KIRREL3: variants seen among roughly 807,000 people sequenced by gnomAD.
The protein encoded by KIRREL3 is kin of IRRE-like protein 3.
KIRREL3 carries 36 observed loss-of-function variants against 89.7 expected under a neutral mutation model. The ratio of observed to expected loss-of-function variants is 0.40; its 90% confidence interval spans 0.31 to 0.53. The LOEUF (loss-of-function observed/expected upper bound fraction) is 0.53, where lower values mean the gene tolerates loss of function less well. Among genes scored for constraint, KIRREL3 ranks in the 20% least tolerant of loss-of-function variants. KIRREL3 has a pLI of 0.49. For synonymous variants in KIRREL3, 445 were observed against 441.4 expected, an observed-to-expected ratio of 1.01 and a Z score of -0.10; for missense variants, 864 against 1,056.6, an observed-to-expected ratio of 0.82 and a Z score of 2.53.
Position 126,941,820 on chromosome 11 carries a change from G to T in KIRREL3, c.55+58635C>A, listed in dbSNP as rs185942663. On this transcript the variant is annotated intron_variant, in intron 1 of 16. Transcript: ENST00000525144. ...CTATCTCAGTGTAACTAACTCCTCA[G>T]TGGGCTCAAAACTTTCCCTCTTGCT... 3.3e-5 allele frequency among the ~76,000 whole-genome samples: 5 copies of T among 152,334 alleles called. No individual in the cohort carries two copies. In the East Asian group the frequency reaches 5.8e-4, roughly 18 times the overall value.
At position 126,491,003 on chromosome 11, in the gene KIRREL3, T is replaced by C. The variant is rs1957496961; in HGVS notation, c.434-17537A>G. ...GGTGGAGGAGAGCCTGTTGTCTCTT[T>C]GGAGAATGGGGCAGGGCTCTGTCTG... On this transcript the variant is annotated intron_variant, in intron 4 of 16. Transcript: ENST00000525144. This position sits in a 1 kb window ranked among gnomAD's most constrained non-coding sequence, Gnocchi z 5.5. 1.3e-5 allele frequency among the ~76,000 whole-genome samples: 2 copies of C among 152,186 alleles called. No individual in the cohort carries two copies. Among genetic ancestry groups the C allele is most frequent in the Non-Finnish European group, 2.9e-5 (2 of 68,026 alleles).
At chr11:126,451,157 G>C (rs1256457187) in intron 7 of KIRREL3, among the ~76,000 whole-genome samples, 1 of 149,974 alleles carries the variant, frequency 6.7e-6, no homozygotes, top group Non-Finnish European at 1.5e-5. Flanking sequence ...GTAAATGTGG[G>C]CACGTGTGAA....
At position 126,953,622 on chromosome 11, in the gene KIRREL3, C is replaced by CAGAGAG. The variant is rs35913153; in HGVS notation, c.55+46827_55+46832dup. ...CACACACTTGGGAGAGATAGAGAGA[C>CAGAGAG]AGAGAGAGAGAACGACCAAGTACGA... is the stretch of plus-strand genomic sequence containing the variant. On this transcript the variant is annotated intron_variant, in intron 1 of 16. Transcript: ENST00000525144. The surrounding 1 kb of genome is among the most constrained non-coding windows in gnomAD (Gnocchi z 5.2). 3.5e-3 allele frequency among the ~76,000 whole-genome samples: 522 copies of CAGAGAG among 151,100 alleles called. No individual in the cohort carries two copies. The highest frequency in any genetic ancestry group is 9.3e-3 in the African/African-American group (386 of 41,308).
At chr11:126,678,882 T>C (rs1407072916) in intron 1 of KIRREL3, among the ~76,000 whole-genome samples, 2 of 152,138 alleles carry the variant, frequency 1.3e-5, no homozygotes, top group African/African-American at 4.8e-5. Context: ...TTTGCTTGGA[T>C]GAGAATGTTT....
At position 126,607,983 on chromosome 11, in the gene KIRREL3, C is replaced by T. The variant is rs372053126; in HGVS notation, c.56-45071G>A. 4.6e-5 allele frequency among the ~76,000 whole-genome samples: 7 copies of T among 152,204 alleles called. No homozygotes were observed. The highest frequency in any genetic ancestry group is 7.3e-5 in the Non-Finnish European group (5 of 68,038). ...GCAGCAAGGGCCCGAGGAACGAGCACGTCAGCTGTCTCCAGGGCCTTTCTC... is the reference window on the plus strand; with the variant it reads ...GCAGCAAGGGCCCGAGGAACGAGCATGTCAGCTGTCTCCAGGGCCTTTCTC... On this transcript the variant is annotated intron_variant, in intron 1 of 16. Transcript: ENST00000525144. The surrounding 1 kb of genome is among the most constrained non-coding windows in gnomAD (Gnocchi z 6.6).
intron 1 of KIRREL3, among the ~76,000 whole-genome samples, chr11:126,942,246 C>A (rs1258260417): frequency 6.6e-6 from 1 of 152,174 alleles, no homozygotes; most frequent in African/African-American, 2.4e-5. Context: ...GTATTCTCAA[C>A]CATATAGTTG....
At chr11:126,728,870 AC>A (rs1948498021) in intron 1 of KIRREL3, among the ~76,000 whole-genome samples, 1 of 152,114 alleles carries the variant, frequency 6.6e-6, no homozygotes, top group Non-Finnish European at 1.5e-5. Flanking sequence ...AATTCCCTGC[AC>A]CCCACAGACG....
rs1159951809 is a variant in KIRREL3, at chr11:126,570,934, C to T, written c.56-8022G>A. 3.3e-5 allele frequency among the ~76,000 whole-genome samples: 5 copies of T among 152,202 alleles called. No homozygotes were observed. The highest frequency in any genetic ancestry group is 2.0e-4 in the Admixed American group (3 of 15,282). The stretch of plus-strand genomic sequence containing the variant: ...GCTGCAAGGGACATTTAACTTTTCT[C>T]ATCTCGTTTCACCCTCACAACACCT... On this transcript the variant is annotated intron_variant, in intron 1 of 16. Transcript: ENST00000525144. This position sits in a 1 kb window ranked among gnomAD's most constrained non-coding sequence, Gnocchi z 6.1.
intron 1 of KIRREL3, among the ~76,000 whole-genome samples, chr11:126,863,621 GTGTGTT>G: frequency 6.3e-5 from 3 of 47,746 alleles, no homozygotes; most frequent in South Asian, 1.1e-3. Flanking sequence ...GTGCGTGTGT[GTGTGTT>G]TGAGTGCGTG....
chr11:126,702,392 T>C (rs968365453), intron 1 of KIRREL3, among the ~76,000 whole-genome samples: 1 of 152,216 alleles, frequency 6.6e-6, no homozygotes, highest in African/African-American at 2.4e-5. Context: ...GTTGCAAATG[T>C]CACATCTTCA....
chr11:126,649,188 C>T (rs1182206633), intron 1 of KIRREL3, among the ~76,000 whole-genome samples: 1 of 152,196 alleles, frequency 6.6e-6, no homozygotes, highest in Non-Finnish European at 1.5e-5. Flanking sequence ...GGGTCCCTCC[C>T]ACAACACGTG....
chr11:126,507,534 C>T (rs1007339204), intron 4 of KIRREL3, among the ~76,000 whole-genome samples: 5 of 152,126 alleles, frequency 3.3e-5, no homozygotes, highest in Admixed American at 1.3e-4. Context: ...TTATGTTTTT[C>T]GTCTAACTCC....
rs970095959 is a variant in KIRREL3 at position 126,778,094 on chromosome 11, A to G, written c.56-215182T>C. Among the ~76,000 whole-genome samples the G allele has an allele frequency of 6.6e-6, 1 of 152,226 alleles. No homozygotes were observed. Among genetic ancestry groups the G allele is most frequent in the South Asian group, 2.1e-4 (1 of 4,818 alleles). On this transcript the variant is annotated intron_variant, in intron 1 of 16. Coordinates refer to ENST00000525144, the MANE Select transcript of KIRREL3 (RefSeq NM_032531.4). This position sits in a 1 kb window ranked among gnomAD's most constrained non-coding sequence, Gnocchi z 4.5. The stretch of plus-strand genomic sequence containing the variant: ...ATAGACAATCCAAAAGAGCAAAATG[A>G]AAATTATGCCAGCCCCCTGACCTCC...
In KIRREL3 at chr11:126,990,425, GC is replaced by G. The variant is rs201964813; in HGVS notation, c.55+10029del. On this transcript the variant is annotated intron_variant, in intron 1 of 16. Transcript: ENST00000525144. The surrounding 1 kb of genome is among the most constrained non-coding windows in gnomAD (Gnocchi z 6.3). ...TCACCACCCAGAGGCGAGGAGGAGA[GC>G]CCCCCATCCCTCCCGTCCCTTCCCA... 1.3e-5 allele frequency among the ~76,000 whole-genome samples: 2 copies of G among 150,300 alleles called. No homozygotes were observed. Among genetic ancestry groups the G allele is most frequent in the Admixed American group, 6.6e-5 (1 of 15,188 alleles).
chr11:126,928,520 G>A (rs1322857710), intron 1 of KIRREL3, among the ~76,000 whole-genome samples: 1 of 152,064 alleles, frequency 6.6e-6, no homozygotes, highest in Non-Finnish European at 1.5e-5. Flanking sequence ...AAGAGGCCCT[G>A]CAGGCGGACA....
intron 1 of KIRREL3, among the ~76,000 whole-genome samples, chr11:126,836,084 G>A (rs1229820637): frequency 6.6e-6 from 1 of 152,190 alleles, no homozygotes; most frequent in Non-Finnish European, 1.5e-5. Context: ...TTCTCCAGAT[G>A]CTTTCCTGTG....
chr11:126,988,496 A>G (rs670637), intron 1 of KIRREL3: 34,208 of 152,656 alleles, frequency 0.22, 4,051 homozygotes, highest in African/African-American at 0.27. Context: ...TCCTTCCTGA[A>G]GAATTTCAGA....
Position 126,763,598 on chromosome 11 carries a change from C to T in KIRREL3, c.56-200686G>A, listed in dbSNP as rs148680211. The stretch of plus-strand genomic sequence containing the variant: ...CCCAGGCTGAGGGACCAAGGCCCAG[C>T]GAGAGTAGGTGGTAGGTAGGCAATG... On this transcript the variant is annotated intron_variant, in intron 1 of 16. Coordinates refer to ENST00000525144, the MANE Select transcript of KIRREL3 (RefSeq NM_032531.4). The surrounding 1 kb of genome is among the most constrained non-coding windows in gnomAD (Gnocchi z 4.7). 5.3e-5 allele frequency among the ~76,000 whole-genome samples: 8 copies of T among 152,292 alleles called. No homozygotes were observed. In the South Asian group the frequency reaches 1.2e-3, roughly 24 times the overall value.
chr11:126,691,032 A>T (rs1946859682), intron 1 of KIRREL3, among the ~76,000 whole-genome samples: 1 of 152,230 alleles, frequency 6.6e-6, no homozygotes, highest in South Asian at 2.1e-4. Context: ...ATGGTCAATA[A>T]ACATATGATG....
Sources: allele counts gnomAD v4.1 joint callset (sites outside exome capture counted in the v4.1 genomes callset), GRCh38; gene constraint gnomAD v4.1.1; non-coding constraint Gnocchi (gnomAD v3.1); transcripts MANE v1.5; gene names NCBI Gene and HGNC (gene_info 2026-07-23, HGNC 2026-07-21).